NCOR2: variants seen among roughly 807,000 people sequenced by gnomAD.
The protein encoded by NCOR2 is nuclear receptor corepressor 2.
Under a neutral mutation model 262.9 loss-of-function variants are expected in NCOR2, and 81 were observed. The observed-to-expected ratio is 0.31, with a 90% CI of 0.26 to 0.37. The LOEUF (loss-of-function observed/expected upper bound fraction) is 0.37, where lower values mean the gene tolerates loss of function less well. Among genes scored for constraint, NCOR2 ranks in the 10% least tolerant of loss-of-function variants. The pLI is 1.00. For synonymous variants in NCOR2, 1,659 were observed against 1,559.3 expected (o/e 1.06, Z -1.51); for missense variants, 3,385 against 3,621.4 (o/e 0.93, Z 1.68).
chr12:124,446,418 C>T (rs956800887), intron 7 of NCOR2, among the ~76,000 whole-genome samples: 1 of 152,142 alleles, frequency 6.6e-6, no homozygotes, highest in Admixed American at 6.5e-5. Flanking sequence ...ATAATAAAAC[C>T]GGAACTCCTT....
intron 1 of NCOR2, among the ~76,000 whole-genome samples, chr12:124,490,812 A>G (rs1349762536): frequency 2.0e-5 from 3 of 152,224 alleles, no homozygotes; most frequent in African/African-American, 7.2e-5. Flanking sequence ...GGCACAGAAC[A>G]TGACAGCATG....
chr12:124,426,966 T>G (rs1293192709), intron 10 of NCOR2, among the ~76,000 whole-genome samples, 166 bp from the exon 13 acceptor site: 1 of 152,148 alleles, frequency 6.6e-6, no homozygotes, highest in African/African-American at 2.4e-5. Flanking sequence ...TAATAGCTCA[T>G]GCTGGGGGAA....
intron 16 of NCOR2, among the ~76,000 whole-genome samples, chr12:124,390,252 G>T (rs1433412568): frequency 6.6e-6 from 1 of 152,134 alleles, no homozygotes; most frequent in Non-Finnish European, 1.5e-5. Context: ...TGAAGCTCTT[G>T]GAATAAAATC....
chr12:124,516,533 AC>A (rs199866419), intron 1 of NCOR2, among the ~76,000 whole-genome samples: 177 of 152,150 alleles, frequency 1.2e-3, no homozygotes, highest in African/African-American at 3.7e-3. Context: ...CTTAAATCCA[AC>A]CTTGTGGTTA....
chr12:124,349,706 T>TATAA (rs1302797301), intron 28 of NCOR2, among the ~76,000 whole-genome samples: 1 of 152,146 alleles, frequency 6.6e-6, no homozygotes, highest in East Asian at 1.9e-4. Context: ...GCTGAAGGCC[T>TATAA]ATAAAGGCTC....
In NCOR2 at chr12:124,516,337, G is replaced by A. The variant is rs928797970; in HGVS notation, c.-118+19228C>T. On this transcript the variant is annotated intron_variant, in intron 1 of 46. Transcript: ENST00000404621. ...GGGGTGCCTGGCCCAGGGCTGGCAC[G>A]GAGGGGCTCAGGCTGAGTGGGAGAC... Among the ~76,000 whole-genome samples, 19 of 152,294 alleles carry A rather than the reference G, an allele frequency of 1.2e-4. 1 individual carries two copies. Among genetic ancestry groups the A allele is most frequent in the African/African-American group, 4.1e-4 (17 of 41,568 alleles).
intron 22 of NCOR2, among the ~76,000 whole-genome samples, chr12:124,357,359 C>T (rs947190770): frequency 1.4e-4 from 22 of 152,140 alleles, no homozygotes; most frequent in Non-Finnish European, 2.9e-4. Context: ...TGCTATGTTG[C>T]CCCAGGCTTG....
intron 1 of NCOR2, among the ~76,000 whole-genome samples, chr12:124,552,556 T>C (rs889930712): frequency 6.6e-6 from 1 of 152,170 alleles, no homozygotes; most frequent in African/African-American, 2.4e-5. Context: ...CATGACCACA[T>C]CACCCACGGC....
chr12:124,454,219 C>G lies in NCOR2; in HGVS notation c.762+2887G>C, dbSNP rs1439450903. Among the ~76,000 whole-genome samples the G allele has an allele frequency of 4.6e-5, 7 of 152,202 alleles. No homozygotes were observed. Among genetic ancestry groups the G allele is most frequent in the Non-Finnish European group, 8.8e-5 (6 of 68,036 alleles). ...GTGGCCCGGCACAAGGCACTCCTCTCACTGAGCCTCATCCAGAAAATGGGA... is the reference window on the plus strand; with the variant it reads ...GTGGCCCGGCACAAGGCACTCCTCTGACTGAGCCTCATCCAGAAAATGGGA... On this transcript the variant is annotated intron_variant, in intron 6 of 46. Coordinates refer to ENST00000405201, the Ensembl canonical transcript of NCOR2. The surrounding 1 kb of genome is among the most constrained non-coding windows in gnomAD (Gnocchi z 5.6).
intron 37 of NCOR2, among the ~76,000 whole-genome samples, chr12:124,338,847 A>T (rs2036124506): frequency 6.6e-6 from 1 of 151,782 alleles, no homozygotes; most frequent in Non-Finnish European, 1.5e-5. Context: ...CCATCCACTC[A>T]TCCCCACAAT....
intron 37 of NCOR2, among the ~76,000 whole-genome samples, chr12:124,339,066 C>T (rs2036158375): frequency 6.6e-6 from 1 of 150,610 alleles, no homozygotes; most frequent in Non-Finnish European, 1.5e-5. Flanking sequence ...CCCATCCATC[C>T]ATCCACATGG....
chr12:124,469,179 CATCACAAGTGAG>C (rs2046702454), intron 4 of NCOR2, among the ~76,000 whole-genome samples: 1 of 152,092 alleles, frequency 6.6e-6, no homozygotes, highest in Non-Finnish European at 1.5e-5. Flanking sequence ...TGTGACAGGG[CATCACAAGTGAG>C]ATCAGAACAT....
intron 28 of NCOR2, 80 bp from the exon 31 acceptor site, chr12:124,348,394 G>A (rs2037122818): frequency 2.1e-5 from 32 of 1,504,638 alleles, no homozygotes; most frequent in Non-Finnish European, 2.8e-5. Context: ...AGGCAGAGCC[G>A]GTAGGCAGGA....
intron 7 of NCOR2, among the ~76,000 whole-genome samples, chr12:124,445,652 C>A (rs1251936455): frequency 6.6e-6 from 1 of 152,134 alleles, no homozygotes; most frequent in African/African-American, 2.4e-5. Context: ...GGGAGCCCCA[C>A]CTGACCCCGG....
chr12:124,330,104 G>A (rs550816164), intron 44 of NCOR2, among the ~76,000 whole-genome samples: 3 of 152,262 alleles, frequency 2.0e-5, no homozygotes, highest in East Asian at 3.9e-4. Context: ...AAACCTCTCC[G>A]ACCTCCATCC....
intron 5 of NCOR2, among the ~76,000 whole-genome samples, chr12:124,463,523 G>A (rs1362343650): frequency 2.0e-5 from 3 of 152,212 alleles, no homozygotes; most frequent in Admixed American, 6.5e-5. Flanking sequence ...GAAAAGCCTC[G>A]CTCAGCGGGT....
intron 1 of NCOR2, among the ~76,000 whole-genome samples, chr12:124,510,857 G>A (rs747259106): frequency 5.3e-5 from 8 of 152,084 alleles, no homozygotes; most frequent in African/African-American, 9.7e-5. Context: ...AGGAGGAGAC[G>A]AAAGGCCACA....
rs1388946854 is a variant in NCOR2 at position 124,466,132 on chromosome 12, GC to G, written c.705+40del. The G allele has an allele frequency of 2.6e-6, 4 of 1,563,930 alleles. No homozygotes were observed. In the East Asian group the frequency reaches 9.6e-5, roughly 37 times the overall value. On this transcript the variant is annotated intron_variant, in intron 5 of 46. Coordinates refer to ENST00000405201, the Ensembl canonical transcript of NCOR2. ...GGTGCCCCCTGTGAAGCGCCTCATG[GC>G]CAGCACCGGGGGGCAGCAGGCCAGG...
At chr12:124,341,511 A>C (rs536292139) in intron 34 of NCOR2, among the ~76,000 whole-genome samples, 1 of 152,338 alleles carries the variant, frequency 6.6e-6, no homozygotes, top group South Asian at 2.1e-4. Context: ...TGCTGGGATT[A>C]CAGGCATGAG....
Sources: allele counts gnomAD v4.1 joint callset (sites outside exome capture counted in the v4.1 genomes callset), GRCh38; gene constraint gnomAD v4.1.1; non-coding constraint Gnocchi (gnomAD v3.1); transcripts MANE v1.5; gene names NCBI Gene and HGNC (gene_info 2026-07-23, HGNC 2026-07-21).